FHIT: variants seen among roughly 807,000 people sequenced by gnomAD.
The protein encoded by FHIT is bis(5'-adenosyl)-triphosphatase.
In FHIT, 19 loss-of-function variants were observed where a neutral mutation model predicts 17.9. The observed-to-expected ratio is 1.06, with a 90% confidence interval of 0.74 to 1.56. The LOEUF (loss-of-function observed/expected upper bound fraction) is 1.56, where lower values mean the gene tolerates loss of function less well. FHIT is among the 40% of genes most tolerant of loss of function. FHIT has a pLI of 0.00. For missense variants in FHIT, 248 were observed against 189.2 expected, an observed-to-expected ratio of 1.31 and a Z score of -1.82; for synonymous variants, 81 against 69.7, an observed-to-expected ratio of 1.16 and a Z score of -0.81.
intron 1 of FHIT, among the ~76,000 whole-genome samples, chr3:61,231,335 T>C (rs377301781): frequency 2.0e-5 from 3 of 151,900 alleles, no homozygotes; most frequent in South Asian, 2.1e-4. Flanking sequence ...CTACAAAAAG[T>C]TTAAAAAAAA....
At chr3:60,900,562 G>T (rs1706067290) in intron 3 of FHIT, among the ~76,000 whole-genome samples, 1 of 151,936 alleles carries the variant, frequency 6.6e-6, no homozygotes, top group African/African-American at 2.4e-5. Context: ...TTAATGCCCT[G>T]CCAACCATAT....
chr3:60,176,627 C>T (rs1347919670), intron 5 of FHIT, among the ~76,000 whole-genome samples: 1 of 152,108 alleles, frequency 6.6e-6, no homozygotes, highest in East Asian at 1.9e-4. Flanking sequence ...AGTGGAAAAA[C>T]ACAAGTCAGG....
chr3:61,078,186 T>C (rs2035027826), intron 2 of FHIT, among the ~76,000 whole-genome samples: 1 of 152,104 alleles, frequency 6.6e-6, no homozygotes, highest in Non-Finnish European at 1.5e-5. Context: ...TATTATGACT[T>C]CTAAATATAT....
At chr3:61,001,067 T>C (rs2031048078) in intron 3 of FHIT, among the ~76,000 whole-genome samples, 1 of 151,886 alleles carries the variant, frequency 6.6e-6, no homozygotes, top group African/African-American at 2.4e-5. Context: ...ATATTCGACA[T>C]CATTAGCCAT....
chr3:59,826,310 C>T (rs935302868), intron 8 of FHIT, among the ~76,000 whole-genome samples: 5 of 152,146 alleles, frequency 3.3e-5, no homozygotes, highest in African/African-American at 4.8e-5. Flanking sequence ...GGGGTTTCAC[C>T]ATGTTGGATC....
intron 8 of FHIT, among the ~76,000 whole-genome samples, chr3:59,860,914 TG>T (rs1403092916): frequency 6.6e-6 from 1 of 152,114 alleles, no homozygotes; most frequent in African/African-American, 2.4e-5. Flanking sequence ...AGCTAGTAAA[TG>T]GCAGAGCCCA....
intron 5 of FHIT, among the ~76,000 whole-genome samples, chr3:60,048,844 G>C (rs1559582260): frequency 6.6e-6 from 1 of 152,196 alleles, no homozygotes; most frequent in Non-Finnish European, 1.5e-5. Flanking sequence ...TGCTGTTTTA[G>C]AAGGAACTTA....
chr3:60,026,905 T>TCG (rs1395669511), intron 5 of FHIT, among the ~76,000 whole-genome samples: 5 of 151,944 alleles, frequency 3.3e-5, no homozygotes, highest in South Asian at 2.1e-4. Context: ...TTGAGAGCAG[T>TCG]CTAGCCAACA....
chr3:60,462,066 C>T (rs193298636), intron 5 of FHIT, among the ~76,000 whole-genome samples: 2 of 152,184 alleles, frequency 1.3e-5, no homozygotes, highest in African/African-American at 2.4e-5. Context: ...GAATGGGTGC[C>T]CCACAGTGAG....
intron 5 of FHIT, among the ~76,000 whole-genome samples, chr3:60,394,082 G>A (rs1454460746): frequency 6.6e-6 from 1 of 152,126 alleles, no homozygotes; most frequent in African/African-American, 2.4e-5. Context: ...AAAGCCTCAG[G>A]GGTGAGGGTC....
intron 4 of FHIT, among the ~76,000 whole-genome samples, chr3:60,673,124 CAGAAAATAA>C (rs1559630196): frequency 6.6e-6 from 1 of 152,048 alleles, no homozygotes; most frequent in African/African-American, 2.4e-5. Context: ...AAGAGCTTAA[CAGAAAATAA>C]AGACGGTTTA....
chr3:60,310,547 T>G (rs1708894209), intron 5 of FHIT, among the ~76,000 whole-genome samples: 1 of 151,702 alleles, frequency 6.6e-6, no homozygotes, highest in African/African-American at 2.4e-5. Context: ...GTGCAGGAGG[T>G]GACCAGTCCA....
chr3:60,645,025 T>A (rs1363318787), intron 4 of FHIT, among the ~76,000 whole-genome samples: 1 of 152,086 alleles, frequency 6.6e-6, no homozygotes, highest in Non-Finnish European at 1.5e-5. Context: ...TCCTGTTGGG[T>A]TCTTTTCTCA....
chr3:61,159,821 A>C (rs1180801987), intron 2 of FHIT, among the ~76,000 whole-genome samples: 1 of 152,148 alleles, frequency 6.6e-6, no homozygotes, highest in East Asian at 1.9e-4. Flanking sequence ...GTTTTCATCT[A>C]TAGAATTCCT....
In FHIT at chr3:61,065,439, T is replaced by C. The variant is rs1031982441; in HGVS notation, c.-163-23340A>G. Among the ~76,000 whole-genome samples, 13 of 152,138 alleles carry C rather than the reference T, an allele frequency of 8.5e-5. No homozygotes were observed. The East Asian group carries it at 2.5e-3, about 29-fold the overall frequency. On this transcript the variant is annotated intron_variant, in intron 2 of 9. Transcript: ENST00000492590. Reference sequence around the variant, plus strand: ...GTGAATTTCATAATACTTTAAATCATAGAATCATGGAATATAAAAATCAAA... The same window carrying C: ...GTGAATTTCATAATACTTTAAATCACAGAATCATGGAATATAAAAATCAAA...
chr3:61,065,520 T>C (rs2034575128), intron 2 of FHIT, among the ~76,000 whole-genome samples: 1 of 152,176 alleles, frequency 6.6e-6, no homozygotes, highest in East Asian at 1.9e-4. Context: ...GCACAGCTGC[T>C]TAGGGGTGAA....
At chr3:60,035,126 C>T (rs1275832301) in intron 5 of FHIT, among the ~76,000 whole-genome samples, 2 of 152,146 alleles carry the variant, frequency 1.3e-5, no homozygotes, top group Admixed American at 1.3e-4. Context: ...GTCTCCTCAG[C>T]CCAGTAAAAA....
intron 7 of FHIT, among the ~76,000 whole-genome samples, chr3:59,985,892 T>G (rs939849387): frequency 1.3e-5 from 2 of 151,868 alleles, no homozygotes; most frequent in African/African-American, 4.8e-5. Flanking sequence ...TACTTGACAC[T>G]TAGGATACAT....
chr3:61,022,409 A>G (rs2032493892), intron 3 of FHIT, among the ~76,000 whole-genome samples: 1 of 152,226 alleles, frequency 6.6e-6, no homozygotes, highest in Non-Finnish European at 1.5e-5. Context: ...GAATTCTACC[A>G]GAGGTAAAAG....
Sources: allele counts gnomAD v4.1 joint callset (sites outside exome capture counted in the v4.1 genomes callset), GRCh38; gene constraint gnomAD v4.1.1; transcripts MANE v1.5; gene names NCBI Gene and HGNC (gene_info 2026-07-23, HGNC 2026-07-21).